SLC25A28: variants seen among roughly 807,000 people sequenced by gnomAD.
The protein encoded by SLC25A28 is mitoferrin-2.
In SLC25A28, 10 loss-of-function variants were observed where a neutral mutation model predicts 31.9. The ratio of observed to expected loss-of-function variants is 0.31; its 90% confidence interval spans 0.19 to 0.53. The LOEUF (loss-of-function observed/expected upper bound fraction) is 0.53, where lower values mean the gene tolerates loss of function less well. Ranked by LOEUF, SLC25A28 falls within the 20% of genes least tolerant of loss-of-function variation. SLC25A28 has a pLI of 0.95. For missense variants in SLC25A28, 256 were observed against 490.3 expected, an observed-to-expected ratio of 0.52 and a Z score of 4.51; for synonymous variants, 208 against 203.6, an observed-to-expected ratio of 1.02 and a Z score of -0.19.
chr10:99,627,532 C>T, the SLC25A28 span, among the ~76,000 whole-genome samples: 2 of 152,028 alleles, frequency 1.3e-5, no homozygotes, highest in East Asian at 3.9e-4. Context: ...CTTCAACCCC[C>T]CTGGCTCAAG....
chr10:99,644,214 G>T, the SLC25A28 span, among the ~76,000 whole-genome samples: 1 of 152,108 alleles, frequency 6.6e-6, no homozygotes, highest in Non-Finnish European at 1.5e-5. Context: ...TCTCTTTGTA[G>T]GTCTCTAAGG....
the SLC25A28 span, among the ~76,000 whole-genome samples, chr10:99,644,174 T>C: frequency 6.6e-6 from 1 of 152,194 alleles, no homozygotes; most frequent in East Asian, 1.9e-4. Context: ...GGTGTTAAAG[T>C]CTCCCATTAT....
At chr10:99,624,297 C>T (rs2034845256), upstream of SLC25A28, among the ~76,000 whole-genome samples, 1 of 150,424 alleles carries the variant, frequency 6.6e-6, no homozygotes. Context: ...GTCTTGCTAT[C>T]TTGCCCAAAA....
At chr10:99,618,373 A>G (rs573984253) in intron 1 of SLC25A28, 2 of 985,384 alleles carry the variant, frequency 2.0e-6, no homozygotes, top group South Asian at 9.4e-5. Context: ...GTTTTCATTG[A>G]TCTGTTTTCC....
the SLC25A28 span, among the ~76,000 whole-genome samples, chr10:99,646,732 C>T: frequency 6.6e-6 from 1 of 152,218 alleles, no homozygotes. Flanking sequence ...GCATATATTG[C>T]ATAGTGGTAA....
intron 1 of SLC25A28, among the ~76,000 whole-genome samples, chr10:99,619,785 G>A (rs991133216): frequency 8.5e-5 from 13 of 152,194 alleles, no homozygotes; most frequent in African/African-American, 2.9e-4. Flanking sequence ...TGGGGTCCAG[G>A]GCTTTGGCTG....
chr10:99,615,286 G>A (rs1000279297), intron 1 of SLC25A28, among the ~76,000 whole-genome samples: 1 of 151,694 alleles, frequency 6.6e-6, no homozygotes, highest in Admixed American at 6.6e-5. Context: ...GTGAGGCGGA[G>A]GTTGTAGTGA....
chr10:99,655,654 A>T, the SLC25A28 span, among the ~76,000 whole-genome samples: 1 of 152,110 alleles, frequency 6.6e-6, no homozygotes, highest in Middle Eastern at 3.2e-3. Flanking sequence ...AGATGAAGAA[A>T]ACTTTCCCTA....
At chr10:99,616,096 T>C (rs1212235041) in intron 1 of SLC25A28, 2 of 985,270 alleles carry the variant, frequency 2.0e-6, no homozygotes, top group Non-Finnish European at 2.4e-6. Context: ...CCAATAAATC[T>C]GCCTTTTACA....
chr10:99,619,845 A>G (rs2034741509), intron 1 of SLC25A28, among the ~76,000 whole-genome samples, 200 bp downstream of exon 1: 1 of 152,220 alleles, frequency 6.6e-6, no homozygotes, highest in Admixed American at 6.5e-5. Flanking sequence ...ACGGTTAGAA[A>G]TAGGTCCTGG....
At chr10:99,643,433 C>T in the SLC25A28 span, among the ~76,000 whole-genome samples, 20 of 152,008 alleles carry the variant, frequency 1.3e-4, no homozygotes, top group South Asian at 6.2e-4. Context: ...CATTTTTCAT[C>T]GCGTCTATTT....
intron 1 of SLC25A28, chr10:99,615,470 G>A: frequency 1.0e-6 from 1 of 985,120 alleles, no homozygotes. Context: ...ACAGGTCCCG[G>A]TTAGCTGCAA....
chr10:99,615,824 A>G (rs1412324), intron 1 of SLC25A28: 855,390 of 985,212 alleles, frequency 0.87, 371,873 homozygotes, highest in Middle Eastern at 0.9. Context: ...ATCTTGTATA[A>G]GGGGAATGTT....
chr10:99,611,470 G>C lies in SLC25A28; in HGVS notation c.578-104C>G. The C allele has an allele frequency of 7.0e-7, 1 of 1,421,030 alleles. No homozygotes were observed. 88.0% of individuals were successfully genotyped at this position (1,421,030 alleles called of 1,614,324 possible). ...AGTCAGCAGATCAGCCAATGGAATA[G>C]AGAGAGAAAAAAGTATGAGTGAGCT... On this transcript the variant is annotated intron_variant, in intron 3 of 3. Transcript: ENST00000370495. This position sits in a 1 kb window ranked among gnomAD's most constrained non-coding sequence, Gnocchi z 5.5.
At chr10:99,622,880 C>T (rs2034821899), upstream of SLC25A28, among the ~76,000 whole-genome samples, 2 of 152,102 alleles carry the variant, frequency 1.3e-5, no homozygotes, top group South Asian at 4.1e-4. Flanking sequence ...TGTGTACCAA[C>T]TGTGTACTTG....
the SLC25A28 span, among the ~76,000 whole-genome samples, chr10:99,637,590 C>A: frequency 2.0e-5 from 3 of 152,210 alleles, no homozygotes; most frequent in African/African-American, 7.2e-5. Context: ...AGCAAAGTTT[C>A]TGGATACAAG....
chr10:99,611,868 G>A lies in SLC25A28; in HGVS notation c.578-502C>T, dbSNP rs2034531372. ...AAGAAAAGATTCTTAGCCAAAAAGAGTTGGCTTTAGTCTTCAAACACCTCC... is the reference window on the plus strand; with the variant it reads ...AAGAAAAGATTCTTAGCCAAAAAGAATTGGCTTTAGTCTTCAAACACCTCC... On this transcript the variant is annotated intron_variant, in intron 3 of 3. Coordinates refer to ENST00000370495, the MANE Select transcript of SLC25A28 (RefSeq NM_031212.4). The surrounding 1 kb of genome is among the most constrained non-coding windows in gnomAD (Gnocchi z 5.5). 6.6e-6 allele frequency among the ~76,000 whole-genome samples: 1 copy of A among 152,168 alleles called. No homozygotes were observed. The highest frequency in any genetic ancestry group is 6.5e-5 in the Admixed American group (1 of 15,274).
chr10:99,624,411 G>T (rs1379651856), upstream of SLC25A28, among the ~76,000 whole-genome samples: 1 of 152,022 alleles, frequency 6.6e-6, no homozygotes, highest in African/African-American at 2.4e-5. Context: ...CTGCATTTTT[G>T]ACAAGCTCTC....
chr10:99,656,444 A>G, the SLC25A28 span, among the ~76,000 whole-genome samples: 2 of 152,194 alleles, frequency 1.3e-5, no homozygotes, highest in Non-Finnish European at 2.9e-5. Flanking sequence ...GATGGAGAAT[A>G]TGGATGGAGG....
Sources: allele counts gnomAD v4.1 joint callset (sites outside exome capture counted in the v4.1 genomes callset), GRCh38; gene constraint gnomAD v4.1.1; non-coding constraint Gnocchi (gnomAD v3.1); transcripts MANE v1.5; gene names NCBI Gene and HGNC (gene_info 2026-07-23, HGNC 2026-07-21).